Variants in ME2 observed in about 807,000 individuals in gnomAD.
The protein encoded by ME2 is malic enzyme 2.
Under a neutral mutation model 73.7 loss-of-function variants are expected in ME2, and 60 were observed. The ratio of observed to expected loss-of-function variants is 0.81; its 90% CI spans 0.66 to 1.01. The LOEUF is 1.01. Among genes scored for constraint, ME2 ranks in the 50% least tolerant of loss-of-function variants. The pLI, the probability that ME2 is intolerant of heterozygous loss-of-function variation, is 0.00. For missense variants in ME2, 594 were observed against 705.5 expected (o/e 0.84, Z 1.79); for synonymous variants, 199 against 236.9 (o/e 0.84, Z 1.47).
At chr18:50,892,845 G>A (rs1036526318) in intron 1 of ME2, among the ~76,000 whole-genome samples, 1 of 151,992 alleles carries the variant, frequency 6.6e-6, no homozygotes, top group South Asian at 2.1e-4. Context: ...ACTCTTTAAG[G>A]GCAGGTGCAG....
intron 1 of ME2, among the ~76,000 whole-genome samples, chr18:50,894,512 G>A (rs1318311618): frequency 3.3e-5 from 5 of 150,458 alleles, no homozygotes; most frequent in Non-Finnish European, 7.4e-5. Context: ...AGGTTGCAGT[G>A]AGCCGTGATC....
intron 1 of ME2, among the ~76,000 whole-genome samples, chr18:50,885,002 C>T (rs1443837974): frequency 6.6e-6 from 1 of 152,076 alleles, no homozygotes; most frequent in Non-Finnish European, 1.5e-5. Flanking sequence ...TTGCAGGCGC[C>T]GGTCACCACA....
intron 12 of ME2, among the ~76,000 whole-genome samples, chr18:50,927,751 T>TATAC (rs1316314513): frequency 0.025 from 3,111 of 123,084 alleles, 181 homozygotes; most frequent in African/African-American, 0.088. Context: ...TATATATATA[T>TATAC]ACACACCACA....
rs368766408 is a variant in ME2, at chr18:50,916,280, C to T, written c.468+37C>T. On this transcript the variant is annotated intron_variant, in intron 5 of 15. Coordinates refer to ENST00000321341, the MANE Select transcript of ME2 (RefSeq NM_002396.5). ...ACAACCCTCCTTTTCACAATGTTTT[C>T]TCTTTTCTTGTAAATTACCTCTAAA... 70 of 1,481,502 alleles carry T rather than the reference C, an allele frequency of 4.7e-5. No individual in the cohort carries two copies. The Middle Eastern group carries it at 7.0e-4, about 15-fold the overall frequency. The allele number at this position is 1,481,502 out of a possible 1,614,324, so 91.8% of individuals were successfully genotyped here.
chr18:50,905,174 A>G (rs1020152518), intron 2 of ME2, among the ~76,000 whole-genome samples: 1 of 152,038 alleles, frequency 6.6e-6, no homozygotes, highest in African/African-American at 2.4e-5. Context: ...TTTAGTAGAG[A>G]TGGGGTTTTA....
Position 50,950,775 on chromosome 18 carries a change from C to T in ME2, c.*3591C>T, listed in dbSNP as rs1362817320. 6.6e-6 allele frequency: 1 copy of T among 152,282 alleles called. No individual in the cohort carries two copies. Among genetic ancestry groups the T allele is most frequent in the African/African-American group, 2.4e-5 (1 of 41,418 alleles). 9.4% of individuals were successfully genotyped at this position (152,282 alleles called of 1,614,324 possible). ...AAGTGCTGGAATTACAGGCATGAGC[C>T]ACTGCACCCAGCCAAGAATGTCCAC... On this transcript the variant is annotated 3_prime_UTR_variant, in exon 16 of 16. Transcript: ENST00000321341.
chr18:50,894,955 C>CAA (rs779266092), intron 1 of ME2, among the ~76,000 whole-genome samples: 1 of 134,590 alleles, frequency 7.4e-6, no homozygotes, highest in African/African-American at 2.7e-5. Flanking sequence ...ATATGAGCTT[C>CAA]AAAAAAAAAA....
chr18:50,917,503 A>G lies in ME2; in HGVS notation c.625A>G (p.Asn209Asp). 1 of 1,582,510 alleles carries G rather than the reference A, an allele frequency of 6.3e-7. No homozygotes were observed. The highest frequency in any genetic ancestry group is 8.6e-7 in the Non-Finnish European group (1 of 1,159,324). Residue 209 changes from asparagine to aspartate, a missense_variant, in exon 6 of 16, where the codon AAT becomes GAT. Asn to Asp is a conservative substitution (Grantham distance 23). Coordinates refer to ENST00000321341, the MANE Select transcript of ME2 (RefSeq NM_002396.5). ...AGTGTGTATTGATGTGGGAACTGATAATATCGTGAGTAACATCATTTTCCC... is the reference window on the plus strand; with the variant it reads ...AGTGTGTATTGATGTGGGAACTGATGATATCGTGAGTAACATCATTTTCCC... ...LPVCIDVGTD[N>D]IALLKDPFYM...
rs664298 is a variant in ME2, at chr18:50,948,834, A to G, written c.*1650A>G. On this transcript the variant is annotated 3_prime_UTR_variant, in exon 16 of 16. Transcript: ENST00000321341. ...TGGGATTACAGGCGTGAGCCACCGC[A>G]CCCAGCCAATTTTTTTTTTTTTTTT... 0.68 allele frequency: 98,162 copies of G among 144,310 alleles called. 33,533 individuals are homozygous for G. The highest frequency in any genetic ancestry group is 0.78 in the African/African-American group (30,325 of 38,910). The allele number at this position is 144,310 out of a possible 1,614,324, so 8.9% of individuals were successfully genotyped here.
At chr18:50,884,304 T>G (rs1395885078) in intron 1 of ME2, among the ~76,000 whole-genome samples, 1 of 152,176 alleles carries the variant, frequency 6.6e-6, no homozygotes, top group Non-Finnish European at 1.5e-5. Context: ...TGAGGTAGAT[T>G]TGAGAGGTGG....
chr18:50,935,147 G>A (rs1917787034), intron 13 of ME2: 2 of 151,890 alleles, frequency 1.3e-5, no homozygotes, highest in South Asian at 4.1e-4. Flanking sequence ...AGTGCCCAGC[G>A]GAAGCAAACA....
At chr18:50,937,950 C>G (rs1412755074) in intron 13 of ME2, among the ~76,000 whole-genome samples, 1 of 152,158 alleles carries the variant, frequency 6.6e-6, no homozygotes, top group Non-Finnish European at 1.5e-5. Context: ...TAGGAAGCGC[C>G]TACTCACTGA....
chr18:50,917,617 A>AT (rs201408498), intron 6 of ME2, 109 bp downstream of exon 6: 23,004 of 709,502 alleles, frequency 0.032, 469 homozygotes, highest in Middle Eastern at 0.067. Flanking sequence ...TTATGATTAG[A>AT]TTTTTTTTTC....
chr18:50,917,577 T>C, intron 6 of ME2, 69 bp downstream of exon 6: 1 of 1,147,864 alleles, frequency 8.7e-7, no homozygotes, highest in Non-Finnish European at 1.2e-6. Flanking sequence ...TATTCCTTTT[T>C]TGAAAATGAT....
intron 15 of ME2, among the ~76,000 whole-genome samples, chr18:50,941,261 CAAAAA>C (rs35785739): frequency 6.7e-5 from 6 of 89,736 alleles, no homozygotes; most frequent in Non-Finnish European, 1.0e-4. Flanking sequence ...AACTCCATCT[CAAAAA>C]AAAAAAAAAA....
chr18:50,901,710 T>G (rs992023248), intron 2 of ME2, among the ~76,000 whole-genome samples: 1 of 152,248 alleles, frequency 6.6e-6, no homozygotes. Context: ...CTCTAAACTA[T>G]GTACATAGCC....
chr18:50,913,059 C>T, intron 4 of ME2, 109 bp downstream of exon 4: 1 of 996,396 alleles, frequency 1.0e-6, no homozygotes, highest in Admixed American at 3.0e-5. Context: ...AATCACATTT[C>T]CCACCTCAGA....
intron 3 of ME2, among the ~76,000 whole-genome samples, chr18:50,910,874 T>TA (rs1209169038): frequency 1.3e-5 from 2 of 152,002 alleles, no homozygotes; most frequent in African/African-American, 4.8e-5. Flanking sequence ...GAGCAGGAAA[T>TA]AAAGAGGATC....
intron 2 of ME2, among the ~76,000 whole-genome samples, chr18:50,896,839 C>T (rs1338425464): frequency 6.6e-6 from 1 of 152,174 alleles, no homozygotes; most frequent in Admixed American, 6.5e-5. Context: ...CCATGGGTCA[C>T]ACAGAGCACC....
Sources: gnomAD v4.1 joint callset for allele counts (sites outside exome capture counted in the v4.1 genomes callset) on GRCh38, gnomAD v4.1.1 for gene constraint, MANE v1.5 for transcripts, NCBI Gene and HGNC (gene_info 2026-07-23, HGNC 2026-07-21) for gene names.